Variants in MPDZ observed in about 807,000 individuals in gnomAD.
MPDZ encodes the protein multiple PDZ domain protein.
MPDZ carries 234 observed loss-of-function variants against 239.1 expected under a neutral mutation model. The ratio of observed to expected loss-of-function variants is 0.98; its 90% confidence interval spans 0.88 to 1.09. MPDZ has a LOEUF of 1.09. MPDZ is among the 50% of genes least tolerant of loss of function. The pLI is 0.00. For synonymous variants in MPDZ, 1,048 were observed against 881.3 expected, an observed-to-expected ratio of 1.19 and a Z score of -3.35; for missense variants, 3,175 against 2,510.0, an observed-to-expected ratio of 1.26 and a Z score of -5.66.
intron 3 of MPDZ, 25 bp from the exon 4 acceptor site, chr9:13,224,608 A>G (rs770663462): frequency 1.3e-6 from 2 of 1,483,072 alleles, no homozygotes; most frequent in South Asian, 2.4e-5. Flanking sequence ...GGGATTATTA[A>G]GAATTTTGAC....
chr9:13,219,197 G>T (rs1464149045), intron 8 of MPDZ, among the ~76,000 whole-genome samples: 1 of 151,834 alleles, frequency 6.6e-6, no homozygotes, highest in South Asian at 2.1e-4. Flanking sequence ...TTAGAACTAT[G>T]ACCCACCTTA....
At chr9:13,254,787 T>C (rs553254772) in intron 1 of MPDZ, among the ~76,000 whole-genome samples, 10 of 152,338 alleles carry the variant, frequency 6.6e-5, no homozygotes, top group African/African-American at 2.4e-4. Context: ...AAAAGTTTAC[T>C]GTCAAAAAAT....
rs922836998 is a variant in MPDZ, at chr9:13,183,463, A to G, written c.2604T>C (p.Gly868=). Residue 868 remains glycine, a synonymous_variant, in exon 19 of 47, where the codon GGT becomes GGC. Transcript: ENST00000319217. ...GGGAAGAACCATAGTTCAGGCCATCACCACAAGAACTGCCATGAAGAGATA... is the reference window on the plus strand; with the variant it reads ...GGGAAGAACCATAGTTCAGGCCATCGCCACAAGAACTGCCATGAAGAGATA... The part of the protein sequence containing the change: ...SILSLHGSSC[G]DGLNYGSSLP... 6.8e-6 allele frequency: 11 copies of G among 1,611,962 alleles called. No individual in the cohort carries two copies. In the Middle Eastern group the frequency reaches 6.6e-4, roughly 97 times the overall value.
intron 36 of MPDZ, among the ~76,000 whole-genome samples, 162 bp from the exon 37 acceptor site, chr9:13,122,332 C>T (rs887741381): frequency 6.6e-6 from 1 of 152,054 alleles, no homozygotes; most frequent in South Asian, 2.1e-4. Flanking sequence ...AGTGTAACAA[C>T]AATTTTTGCT....
intron 46 of MPDZ, among the ~76,000 whole-genome samples, chr9:13,107,344 T>A (rs1010478289): frequency 6.6e-6 from 1 of 152,200 alleles, no homozygotes; most frequent in African/African-American, 2.4e-5. Context: ...TAGCAGTCGA[T>A]AGATCAGTTG....
chr9:13,128,094 C>T (rs1048223750), intron 32 of MPDZ, among the ~76,000 whole-genome samples: 3 of 152,146 alleles, frequency 2.0e-5, no homozygotes, highest in African/African-American at 7.2e-5. Flanking sequence ...TCCTCCACCT[C>T]CATATTCTCT....
chr9:13,203,059 G>GT (rs1384501405), intron 12 of MPDZ, among the ~76,000 whole-genome samples: 4 of 152,134 alleles, frequency 2.6e-5, no homozygotes, highest in Non-Finnish European at 4.4e-5. Flanking sequence ...AATCTATGAG[G>GT]TGATGGATAT....
rs1465966547 is a variant in MPDZ at position 13,125,404 on chromosome 9, T to C, written c.4633-14A>G. On this transcript the variant is annotated splice_polypyrimidine_tract_variant and intron_variant, in intron 34 of 46. Transcript: ENST00000319217. ...AAGGCTAATAAACTGGCAGGGTGTATGTGTGGAAGAGAAACAAAATTCAAA... is the reference window on the plus strand; with the variant it reads ...AAGGCTAATAAACTGGCAGGGTGTACGTGTGGAAGAGAAACAAAATTCAAA... 2.5e-6 allele frequency: 4 copies of C among 1,607,972 alleles called. No homozygotes were observed. Among genetic ancestry groups the C allele is most frequent in the African/African-American group, 2.7e-5 (2 of 74,822 alleles).
chr9:13,206,050 A>C lies in MPDZ; in HGVS notation c.1340T>G (p.Val447Gly), dbSNP rs1001366729. 5 of 1,611,776 alleles carry C rather than the reference A, an allele frequency of 3.1e-6. No individual in the cohort carries two copies. Among genetic ancestry groups the C allele is most frequent in the Non-Finnish European group, 4.2e-6 (5 of 1,179,342 alleles). ...CACAGTTTGTCCTGTATGTCGCAAT[A>C]CCTCTACTGCTTGCTGATTAGTAAA... is the stretch of plus-strand genomic sequence containing the variant. The part of the protein sequence containing the change: ...QGFTNQQAVE[V>G]LRHTGQTVLL... Residue 447 changes from valine to glycine, a missense_variant, in exon 11 of 47, where the codon GTA becomes GGA. Transcript: ENST00000319217.
chr9:13,165,831 G>C (rs1195432712), intron 22 of MPDZ, among the ~76,000 whole-genome samples: 3 of 152,108 alleles, frequency 2.0e-5, no homozygotes, highest in Non-Finnish European at 4.4e-5. Flanking sequence ...ATGCATTCTG[G>C]TGAGGCTTCG....
At chr9:13,272,910 T>C (rs891625428) in intron 1 of MPDZ, among the ~76,000 whole-genome samples, 7 of 152,076 alleles carry the variant, frequency 4.6e-5, no homozygotes, top group African/African-American at 1.7e-4. Flanking sequence ...TGAATGTTTA[T>C]ATTCCCCCCA....
chr9:13,126,861 A>C, intron 32 of MPDZ, 89 bp from the exon 33 acceptor site: 1 of 1,057,552 alleles, frequency 9.5e-7, no homozygotes, highest in Non-Finnish European at 1.4e-6. Context: ...AACAACTAAA[A>C]CTCTTCTGAA....
chr9:13,249,418 T>C (rs1967294729), intron 2 of MPDZ, among the ~76,000 whole-genome samples: 1 of 152,116 alleles, frequency 6.6e-6, no homozygotes, highest in African/African-American at 2.4e-5. Flanking sequence ...GTGGGTTTAG[T>C]ATAAAATGGG....
intron 3 of MPDZ, among the ~76,000 whole-genome samples, chr9:13,234,902 C>T (rs1963534119): frequency 6.6e-6 from 1 of 151,884 alleles, no homozygotes. Context: ...ACCAAAAATG[C>T]TGTAAAACAC....
intron 22 of MPDZ, among the ~76,000 whole-genome samples, chr9:13,164,460 C>G (rs1039485860): frequency 1.3e-5 from 2 of 151,966 alleles, no homozygotes; most frequent in Non-Finnish European, 2.9e-5. Flanking sequence ...GGTATTATTC[C>G]TAAAGATTCA....
At chr9:13,248,668 T>C (rs996547637) in intron 2 of MPDZ, among the ~76,000 whole-genome samples, 5 of 151,798 alleles carry the variant, frequency 3.3e-5, no homozygotes, top group African/African-American at 1.2e-4. Context: ...ATCCCAGTAA[T>C]GTTAAAAAGT....
At chr9:13,116,532 AT>A (rs758373754) in intron 39 of MPDZ, among the ~76,000 whole-genome samples, 6 of 152,142 alleles carry the variant, frequency 3.9e-5, no homozygotes, top group Non-Finnish European at 7.4e-5. Flanking sequence ...TTGACTTGTA[AT>A]ATCCATAAGT....
intron 17 of MPDZ, 138 bp from the exon 18 acceptor site, chr9:13,186,524 T>C (rs1054089403): frequency 3.3e-6 from 2 of 602,872 alleles, no homozygotes; most frequent in Non-Finnish European, 3.0e-6. Flanking sequence ...CGATATGACT[T>C]CAACATAGAA....
chr9:13,131,483 T>C (rs1447106978), intron 32 of MPDZ, among the ~76,000 whole-genome samples: 1 of 152,174 alleles, frequency 6.6e-6, no homozygotes, highest in Non-Finnish European at 1.5e-5. Flanking sequence ...AAAAACAGCC[T>C]GTTGTATGGC....
Sources: allele counts gnomAD v4.1 joint callset (sites outside exome capture counted in the v4.1 genomes callset), GRCh38; gene constraint gnomAD v4.1.1; transcripts MANE v1.5; gene names NCBI Gene and HGNC (gene_info 2026-07-23, HGNC 2026-07-21).